Variants in CORO7 observed in about 807,000 individuals in gnomAD.
CORO7 encodes coronin 7.
Under a neutral mutation model 126.6 loss-of-function variants are expected in CORO7, and 107 were observed. The observed-to-expected ratio is 0.85, with a 90% CI of 0.72 to 0.99. CORO7 has a LOEUF of 0.99. Among genes scored for constraint, CORO7 ranks in the 50% least tolerant of loss-of-function variants. The probability of loss-of-function intolerance (pLI) is 0.00; values close to 1 mark genes in which losing one functional copy is unlikely to be tolerated. For missense variants in CORO7, 1,314 were observed against 1,255.8 expected (o/e 1.05, Z -0.70); for synonymous variants, 603 against 536.8 (o/e 1.12, Z -1.70).
chr16:4,395,986 C>T (rs11646197), intron 6 of CORO7, among the ~76,000 whole-genome samples: 4 of 36,464 alleles, frequency 1.1e-4, no homozygotes, highest in Non-Finnish European at 1.4e-4. Context: ...TGTGTGTGTG[C>T]ATGCACACGT....
intron 1 of CORO7, 41 bp downstream of exon 1, chr16:4,416,418 G>C: frequency 6.5e-7 from 1 of 1,530,074 alleles, no homozygotes; most frequent in Non-Finnish European, 8.7e-7. Context: ...CAGCCGGACG[G>C]GGCCCGAGGC....
At chr16:4,401,911 CTTTTTTTTT>C (rs58167321) in intron 6 of CORO7, among the ~76,000 whole-genome samples, 1 of 139,882 alleles carries the variant, frequency 7.1e-6, no homozygotes, top group African/African-American at 2.6e-5. Context: ...TCTTTTTTTC[CTTTTTTTTT>C]TTTTTTGAGG....
intron 9 of CORO7, among the ~76,000 whole-genome samples, chr16:4,366,219 G>A (rs552630475): frequency 6.6e-6 from 1 of 152,352 alleles, no homozygotes; most frequent in African/African-American, 2.4e-5. Context: ...GAGCCTGCCA[G>A]CAGCATGCTC....
intron 9 of CORO7, among the ~76,000 whole-genome samples, chr16:4,385,645 T>G: frequency 6.6e-6 from 1 of 152,158 alleles, no homozygotes; most frequent in East Asian, 1.9e-4. Flanking sequence ...CCGTGGAGGC[T>G]GCCTGAGCAC....
intron 16 of CORO7, 148 bp from the exon 17 acceptor site, chr16:4,361,617 A>T: frequency 1.0e-6 from 1 of 990,814 alleles, no homozygotes; most frequent in Non-Finnish European, 1.5e-6. Context: ...TGCCCTGACC[A>T]CCTTGCGCTC....
At chr16:4,374,155 T>C (rs1375507294) in intron 9 of CORO7, among the ~76,000 whole-genome samples, 2 of 130,062 alleles carry the variant, frequency 1.5e-5, no homozygotes, top group East Asian at 2.7e-4. Flanking sequence ...GGCGTGTCTG[T>C]GTGCGCGTGA....
chr16:4,385,232 G>A (rs2055154728), intron 9 of CORO7, among the ~76,000 whole-genome samples: 1 of 152,138 alleles, frequency 6.6e-6, no homozygotes, highest in African/African-American at 2.4e-5. Context: ...CTTGTTTCAT[G>A]CCCGGCGACC....
Position 4,362,188 on chromosome 16 carries a change from C to T in CORO7, c.1403-28G>A, listed in dbSNP as rs779952117. On this transcript the variant is annotated intron_variant, in intron 15 of 27. Coordinates refer to ENST00000251166, the MANE Select transcript of CORO7 (RefSeq NM_024535.5). This position sits in a 1 kb window ranked among gnomAD's most constrained non-coding sequence, Gnocchi z 5.3. ...GGCAGGTGGCAGGGACATGGAACCA[C>T]GTGTGAGGATGCCGTCCCCGCCCGC... is the stretch of plus-strand genomic sequence containing the variant. The T allele has an allele frequency of 1.1e-5, 18 of 1,593,642 alleles. No homozygotes were observed. Among genetic ancestry groups the T allele is most frequent in the Admixed American group, 3.5e-5 (2 of 56,812 alleles).
chr16:4,386,957 C>G (rs1567280380), intron 9 of CORO7, among the ~76,000 whole-genome samples: 1 of 152,210 alleles, frequency 6.6e-6, no homozygotes, highest in African/African-American at 2.4e-5. Context: ...GCTCCCAGAG[C>G]CTGGACAGGT....
At chr16:4,380,597 G>C (rs1377283756) in intron 9 of CORO7, among the ~76,000 whole-genome samples, 1 of 152,248 alleles carries the variant, frequency 6.6e-6, no homozygotes, top group Non-Finnish European at 1.5e-5. Flanking sequence ...GGAGGGCCTG[G>C]GGTTCAGGAG....
chr16:4,416,535 G>A lies in CORO7; in HGVS notation c.-17C>T. 1 of 1,571,048 alleles carries A rather than the reference G, an allele frequency of 6.4e-7. No homozygotes were observed. Among genetic ancestry groups the A allele is most frequent in the East Asian group, 2.6e-5 (1 of 38,848 alleles). On this transcript the variant is annotated 5_prime_UTR_variant, in exon 1 of 28. Transcript: ENST00000251166. ...GCGGTTCATGGCGACGGGCACGGCG[G>A]CGGACGCGTCTTCGAGGACCCCGGG...
chr16:4,368,219 C>A (rs1259477628), intron 9 of CORO7, among the ~76,000 whole-genome samples: 1 of 151,880 alleles, frequency 6.6e-6, no homozygotes, highest in East Asian at 1.9e-4. Flanking sequence ...TGGTGGTGTG[C>A]ATCTGTAATC....
chr16:4,395,389 C>T, intron 6 of CORO7, 50 bp from the exon 7 acceptor site: 1 of 1,612,048 alleles, frequency 6.2e-7, no homozygotes, highest in Admixed American at 1.7e-5. Flanking sequence ...CTGGAGGGTC[C>T]CTGGAAGCCA....
At position 4,362,877 on chromosome 16, in the gene CORO7, G is replaced by A. The variant is rs2054228300; in HGVS notation, c.1276-139C>T. On this transcript the variant is annotated intron_variant, in intron 14 of 27. Coordinates refer to ENST00000251166, the MANE Select transcript of CORO7 (RefSeq NM_024535.5). The surrounding 1 kb of genome is among the most constrained non-coding windows in gnomAD (Gnocchi z 5.3). ...CCCACTGTGGGCATGCGACAGGAGC[G>A]GCGGGGGGCACGGGCATAAACGCAG... 3.8e-6 allele frequency: 4 copies of A among 1,044,376 alleles called. No homozygotes were observed. Among genetic ancestry groups the A allele is most frequent in the East Asian group, 3.3e-5 (1 of 30,764 alleles). The allele number at this position is 1,044,376 out of a possible 1,614,324, so 64.7% of individuals were successfully genotyped here.
chr16:4,411,187 C>G (rs987599745), intron 3 of CORO7, among the ~76,000 whole-genome samples: 9 of 152,160 alleles, frequency 5.9e-5, no homozygotes, highest in Non-Finnish European at 1.3e-4. Context: ...GCCAGGAGTT[C>G]AAGACCAGGC....
intron 9 of CORO7, among the ~76,000 whole-genome samples, chr16:4,376,831 C>T (rs964095519): frequency 3.9e-5 from 6 of 152,188 alleles, no homozygotes; most frequent in Non-Finnish European, 7.4e-5. Context: ...GCTCCCCAGC[C>T]CCCAGGGTGA....
chr16:4,387,914 G>A (rs1245736588), intron 9 of CORO7, 72 bp downstream of exon 9: 21 of 1,578,776 alleles, frequency 1.3e-5, no homozygotes, highest in South Asian at 5.7e-5. Context: ...CTGACAGGCC[G>A]GATCAGGTGC....
chr16:4,408,241 G>A lies in CORO7; in HGVS notation c.243C>T (p.Thr81=), dbSNP rs368877158. Residue 81 remains threonine (T), a synonymous_variant, in exon 4 of 28, where the codon ACC becomes ACT. Transcript: ENST00000251166. ...CATCAAAGGGCGAGAAGTCCAAGTCGGTGACTAGGTCTGTGGGAGAGGAAT... is the reference window on the plus strand; with the variant it reads ...CATCAAAGGGCGAGAAGTCCAAGTCAGTGACTAGGTCTGTGGGAGAGGAAT... ...AHLGCHSDLV[T]DLDFSPFDDF... is the part of the protein sequence containing the mutation. The A allele has an allele frequency of 3.5e-5, 57 of 1,614,210 alleles. No individual in the cohort carries two copies. The highest frequency in any genetic ancestry group is 2.5e-4 in the East Asian group (11 of 44,880).
intron 7 of CORO7, among the ~76,000 whole-genome samples, chr16:4,391,302 T>C (rs901532295): frequency 1.9e-4 from 29 of 152,216 alleles, no homozygotes; most frequent in Admixed American, 6.5e-4. Context: ...ACACCTGTAA[T>C]CTTGGCATTT....
Sources: allele counts gnomAD v4.1 joint callset (sites outside exome capture counted in the v4.1 genomes callset), GRCh38; gene constraint gnomAD v4.1.1; non-coding constraint Gnocchi (gnomAD v3.1); transcripts MANE v1.5; gene names NCBI Gene and HGNC (gene_info 2026-07-23, HGNC 2026-07-21).